The following ADAMTSL4 variants were observed in gnomAD, a reference collection of about 807,000 sequenced individuals.
The protein encoded by ADAMTSL4 is ADAMTS like 4, also known as ADAMTS-like protein 4.
A neutral mutation model predicts 122.8 loss-of-function variants in ADAMTSL4; 97 were observed. The observed-to-expected ratio is 0.79, with a 90% CI of 0.67 to 0.93. ADAMTSL4 has a LOEUF of 0.93. Among genes scored for constraint, ADAMTSL4 ranks in the 40% least tolerant of loss-of-function variants. ADAMTSL4 has a pLI of 0.00. For synonymous variants in ADAMTSL4, 592 were observed against 568.0 expected (o/e 1.04, Z -0.60); for missense variants, 1,408 against 1,453.5 (o/e 0.97, Z 0.51).
Position 150,553,245 on chromosome 1 carries a change from G to A in ADAMTSL4, c.426G>A (p.Ala142=), listed in dbSNP as rs771709345. The change falls in exon 5 of 19, where the codon GCG becomes GCA. Residue 142 remains alanine (A), a synonymous_variant. Transcript: ENST00000271643. ...GAGAGGAGACCCAGGAGATTCGAGC[G>A]GCCAGGAGGTGAGAGGCCTGGGTGG... ...LGREETQEIR[A]ARRSRLRDPI... 2.9e-5 allele frequency: 46 copies of A among 1,609,436 alleles called. No homozygotes were observed. The highest frequency in any genetic ancestry group is 3.3e-4 in the Middle Eastern group (2 of 6,032).
Position 150,556,866 on chromosome 1 carries a change from A to C in ADAMTSL4, c.1749+73A>C. The stretch of plus-strand genomic sequence containing the variant: ...CCCTCTGGGCAGAGCTGTGGTTGTC[A>C]AGATGGGAGAGAGAGCTGGTGGCAT... On this transcript the variant is annotated intron_variant, in intron 10 of 18. Coordinates refer to ENST00000271643, the MANE Select transcript of ADAMTSL4 (RefSeq NM_019032.6). This position sits in a 1 kb window ranked among gnomAD's most constrained non-coding sequence, Gnocchi z 4.1. 1 of 1,612,484 alleles carries C rather than the reference A, an allele frequency of 6.2e-7. No homozygotes were observed. The highest frequency in any genetic ancestry group is 8.5e-7 in the Non-Finnish European group (1 of 1,178,642).
Position 150,552,779 on chromosome 1 carries a change from C to A in ADAMTSL4, c.79-119C>A. ...AGGCCGAGGTGTAGTTCTCCCTCTG[C>A]TGCTGAATGTGACCTTGGACTGGTA... On this transcript the variant is annotated intron_variant, in intron 4 of 18. Transcript: ENST00000271643. This position sits in a 1 kb window ranked among gnomAD's most constrained non-coding sequence, Gnocchi z 4.0. 7.6e-7 allele frequency: 1 copy of A among 1,308,212 alleles called. No individual in the cohort carries two copies. Among genetic ancestry groups the A allele is most frequent in the Non-Finnish European group, 1.1e-6 (1 of 915,752 alleles). 81.0% of individuals were successfully genotyped at this position (1,308,212 alleles called of 1,614,324 possible).
At chr1:150,557,732 G>A (rs1336452528) in intron 13 of ADAMTSL4, 109 bp downstream of exon 13, 2 of 1,394,906 alleles carry the variant, frequency 1.4e-6, no homozygotes, top group Non-Finnish European at 1.9e-6. Flanking sequence ...TGGCTGCAGA[G>A]AGACAACATT....
Position 150,559,529 on chromosome 1 carries a change from T to C in ADAMTSL4, c.2943+63T>C, listed in dbSNP as rs775244279. 2.5e-4 allele frequency: 404 copies of C among 1,601,084 alleles called. No homozygotes were observed. The highest frequency in any genetic ancestry group is 3.3e-4 in the Non-Finnish European group (393 of 1,174,254). On this transcript the variant is annotated intron_variant, in intron 17 of 18. Coordinates refer to ENST00000271643, the MANE Select transcript of ADAMTSL4 (RefSeq NM_019032.6). The surrounding 1 kb of genome is among the most constrained non-coding windows in gnomAD (Gnocchi z 4.1). ...TGGGCCCCTAGGGGAGGGGAGCTCC[T>C]CTCGCTGTACCCCCTCCAGGTCTCT...
At position 150,555,625 on chromosome 1, in the gene ADAMTSL4, C is replaced by T. The variant is rs962618083; in HGVS notation, c.1371+60C>T. 85 of 1,585,088 alleles carry T rather than the reference C, an allele frequency of 5.4e-5. No homozygotes were observed. In the Admixed American group the frequency reaches 1.4e-3, roughly 27 times the overall value. On this transcript the variant is annotated intron_variant, in intron 8 of 18. Coordinates refer to ENST00000271643, the MANE Select transcript of ADAMTSL4 (RefSeq NM_019032.6). ...TGCATATGCACACAGACACATGCCC[C>T]CATATGCATACACATGTACACACAT... is the stretch of plus-strand genomic sequence containing the variant.
chr1:150,551,094 C>T (rs1389576543), intron 2 of ADAMTSL4: 2 of 433,970 alleles, frequency 4.6e-6, no homozygotes, highest in Non-Finnish European at 9.3e-6. Context: ...GGCTTGGTGG[C>T]TGGGGTGGCT....
chr1:150,553,008 G>C lies in ADAMTSL4; in HGVS notation c.189G>C (p.Gly63=), dbSNP rs1671586897. 1 of 1,613,214 alleles carries C rather than the reference G, an allele frequency of 6.2e-7. No individual in the cohort carries two copies. Among genetic ancestry groups the C allele is most frequent in the South Asian group, 1.1e-5 (1 of 91,078 alleles). Residue 63 remains glycine, a synonymous_variant, in exon 5 of 19, where the codon GGG becomes GGC. Coordinates refer to ENST00000271643, the MANE Select transcript of ADAMTSL4 (RefSeq NM_019032.6). The part of the protein sequence containing the change: ...WASCSQPCGV[G]VQRRSRTCQL... ...CTTGCTCCCAGCCCTGCGGGGTGGGGGTGCAGCGCAGGAGCCGGACATGTC... is the reference window on the plus strand; with the variant it reads ...CTTGCTCCCAGCCCTGCGGGGTGGGCGTGCAGCGCAGGAGCCGGACATGTC...
chr1:150,553,643 GAACT>G lies in ADAMTSL4; in HGVS notation c.653_656del (p.Glu218GlyfsTer13). 1 of 1,613,592 alleles carries G rather than the reference GAACT, an allele frequency of 6.2e-7. No individual in the cohort carries two copies. Among genetic ancestry groups the G allele is most frequent in the Non-Finnish European group, 8.5e-7 (1 of 1,179,896 alleles). ...CCCCCAAACTGAGCTCCCTCCCACA[GAACT>G]GTCTGTCCACACCCCATCCCCCCAA... On this transcript the variant is annotated frameshift_variant, in exon 6 of 19. Transcript: ENST00000271643. LOFTEE classifies it high-confidence loss of function.
chr1:150,558,678 G>A (rs1298781717), intron 15 of ADAMTSL4, 29 bp downstream of exon 15: 1 of 1,613,842 alleles, frequency 6.2e-7, no homozygotes, highest in Non-Finnish European at 8.5e-7. Context: ...GCCATATCCT[G>A]CATCCTGGGT....
rs1487675885 is a variant in ADAMTSL4, at chr1:150,552,552, G to A, written c.30G>A (p.Leu10=). Residue 10 remains leucine (L), a synonymous_variant, in exon 4 of 19, where the codon CTG becomes CTA. Transcript: ENST00000271643. This position sits in a 1 kb window ranked among gnomAD's most constrained non-coding sequence, Gnocchi z 4.0. MENWTGRPW[L]YLLLLLSLPQ... is the part of the protein sequence containing the mutation. ...GGCCTTTGGTTTGCAGGCCCTGGCT[G>A]TATCTGCTGCTGCTTCTGTCCCTCC... 3.1e-6 allele frequency: 5 copies of A among 1,614,048 alleles called. No individual in the cohort carries two copies. The highest frequency in any genetic ancestry group is 3.3e-4 in the Middle Eastern group (2 of 6,060).
At position 150,552,236 on chromosome 1, in the gene ADAMTSL4, GT is replaced by G; in HGVS notation, c.-48del. ...CCCTCCACGCCCAGATGCCTGCGTA[GT>G]TTTTGTGACCAGTCCGCTCCTGCCT... On this transcript the variant is annotated 5_prime_UTR_variant, in exon 3 of 19. Coordinates refer to ENST00000271643, the MANE Select transcript of ADAMTSL4 (RefSeq NM_019032.6). The surrounding 1 kb of genome is among the most constrained non-coding windows in gnomAD (Gnocchi z 4.0). The G allele has an allele frequency of 1.3e-6, 2 of 1,543,854 alleles. No individual in the cohort carries two copies. Among genetic ancestry groups the G allele is most frequent in the South Asian group, 2.4e-5 (2 of 83,658 alleles).
chr1:150,557,711 G>C lies in ADAMTSL4; in HGVS notation c.2177+88G>C, dbSNP rs1279394994. 12 of 1,446,976 alleles carry C rather than the reference G, an allele frequency of 8.3e-6. No individual in the cohort carries two copies. The South Asian group carries it at 1.1e-4, about 14-fold the overall frequency. The allele number at this position is 1,446,976 out of a possible 1,614,324, so 89.6% of individuals were successfully genotyped here. The stretch of plus-strand genomic sequence containing the variant: ...ATCTTACCTGAACTCTGCACTCAAC[G>C]CAACATCTCCTGGCTGCAGAGAGAC... On this transcript the variant is annotated intron_variant, in intron 13 of 18. Coordinates refer to ENST00000271643, the MANE Select transcript of ADAMTSL4 (RefSeq NM_019032.6).
Position 150,553,023 on chromosome 1 carries a change from C to G in ADAMTSL4, c.204C>G (p.Ser68Arg). 6.2e-7 allele frequency: 1 copy of G among 1,613,304 alleles called. No individual in the cohort carries two copies. The highest frequency in any genetic ancestry group is 8.5e-7 in the Non-Finnish European group (1 of 1,179,892). Reference protein sequence around the residue: ...QPCGVGVQRRSRTCQLPTVQL... With the variant: ...QPCGVGVQRRRRTCQLPTVQL... Reference sequence around the variant, plus strand: ...GCGGGGTGGGGGTGCAGCGCAGGAGCCGGACATGTCAGCTCCCTACAGTGC... The same window carrying G: ...GCGGGGTGGGGGTGCAGCGCAGGAGGCGGACATGTCAGCTCCCTACAGTGC... Residue 68 changes from serine (S) to arginine (R), a missense_variant, in exon 5 of 19, where the codon AGC becomes AGG. Transcript: ENST00000271643.
rs1671180747 is a variant in ADAMTSL4, at chr1:150,549,485, G to A, written c.-173G>A. ...CGCAGAAGGGTTAACGGGCCACCGG[G>A]GGCTCGCAGAGCAGGTAGAGACCTC... On this transcript the variant is annotated 5_prime_UTR_variant, in exon 1 of 19. Coordinates refer to ENST00000271643, the MANE Select transcript of ADAMTSL4 (RefSeq NM_019032.6). The surrounding 1 kb of genome is among the most constrained non-coding windows in gnomAD (Gnocchi z 5.0). 6.6e-6 allele frequency: 1 copy of A among 152,124 alleles called. No homozygotes were observed. Among genetic ancestry groups the A allele is most frequent in the Non-Finnish European group, 1.5e-5 (1 of 68,002 alleles). 9.4% of individuals were successfully genotyped at this position (152,124 alleles called of 1,614,324 possible).
chr1:150,556,789 T>C lies in ADAMTSL4; in HGVS notation c.1745T>C (p.Val582Ala). The part of the protein sequence containing the change: ...AEGPTTQPVD[V>A]YMIFQEENPG... ...GGCCCCACCACCCAGCCTGTGGATG[T>C]CTATGTGAGCCTGGGGCCAGGGGCA... The change falls in exon 10 of 19, where the codon GTC becomes GCC. Residue 582 changes from valine (V) to alanine (A), a missense_variant. Transcript: ENST00000271643. This position sits in a 1 kb window ranked among gnomAD's most constrained non-coding sequence, Gnocchi z 4.1. 6.2e-7 allele frequency: 1 copy of C among 1,612,980 alleles called. No individual in the cohort carries two copies. The highest frequency in any genetic ancestry group is 8.5e-7 in the Non-Finnish European group (1 of 1,179,254).
rs929900904 is a variant in ADAMTSL4 at position 150,559,111 on chromosome 1, C to T, written c.2709C>T (p.Cys903=). Residue 903 remains cysteine (C), a synonymous_variant, in exon 16 of 19, where the codon TGC becomes TGT. Coordinates refer to ENST00000271643, the MANE Select transcript of ADAMTSL4 (RefSeq NM_019032.6). This position sits in a 1 kb window ranked among gnomAD's most constrained non-coding sequence, Gnocchi z 4.1. ...TGSRPPDMRA[C]SLGPCERTWR... ...GCCGGCCCCCTGACATGCGCGCCTG[C>T]AGCCTGGGGCCCTGTGAGAGAACTT... 6.2e-7 allele frequency: 1 copy of T among 1,612,904 alleles called. No individual in the cohort carries two copies. The highest frequency in any genetic ancestry group is 8.5e-7 in the Non-Finnish European group (1 of 1,179,940).
In ADAMTSL4 at chr1:150,553,465, T is replaced by G; in HGVS notation, c.474T>G (p.Gly158=). The change falls in exon 6 of 19, where the codon GGT becomes GGG. Residue 158 remains glycine (G), a synonymous_variant. Transcript: ENST00000271643. ...ACCCCATCAAGCCAGGAATGTTCGG[T>G]TATGGGAGAGTGCCCTTTGCATTGC... The part of the protein sequence containing the change: ...LRDPIKPGMF[G]YGRVPFALPL... The G allele has an allele frequency of 6.2e-7, 1 of 1,613,786 alleles. No homozygotes were observed. The highest frequency in any genetic ancestry group is 1.1e-5 in the South Asian group (1 of 91,070).
intron 8 of ADAMTSL4, chr1:150,555,861 A>G: frequency 1.7e-6 from 1 of 604,606 alleles, no homozygotes. Flanking sequence ...ACACACATGC[A>G]TGAACACATG....
At chr1:150,557,692 C>T (rs760654583) in intron 13 of ADAMTSL4, 69 bp downstream of exon 13, 8 of 1,526,634 alleles carry the variant, frequency 5.2e-6, no homozygotes, top group Non-Finnish European at 7.1e-6. Flanking sequence ...CAGAATCTTA[C>T]CTGAACTCTG....
Sources: allele counts gnomAD v4.1 joint callset, GRCh38; gene constraint gnomAD v4.1.1; non-coding constraint Gnocchi (gnomAD v3.1); transcripts MANE v1.5; gene names NCBI Gene and HGNC (gene_info 2026-07-23, HGNC 2026-07-21).